The following STAT4 variants were observed in gnomAD, a reference collection of about 807,000 sequenced individuals.
STAT4 encodes signal transducer and activator of transcription 4.
STAT4 carries 42 observed loss-of-function variants against 110.5 expected under a neutral mutation model. The ratio of observed to expected loss-of-function variants is 0.38; its 90% CI spans 0.30 to 0.49. The LOEUF is 0.49. Ranked by LOEUF, STAT4 falls within the 20% of genes least tolerant of loss-of-function variation. STAT4 has a pLI of 0.95. For synonymous variants in STAT4, 284 were observed against 302.2 expected (o/e 0.94, Z 0.63); for missense variants, 632 against 887.9 (o/e 0.71, Z 3.66).
chr2:191,069,592 C>T, intron 6 of STAT4, 101 bp downstream of exon 6: 2 of 893,982 alleles, frequency 2.2e-6, no homozygotes, highest in Non-Finnish European at 3.6e-6. Context: ...CTAGGCTCAC[C>T]TAAGGAAGTA....
At chr2:191,095,874 C>T (rs115747703) in intron 3 of STAT4, among the ~76,000 whole-genome samples, 4,030 of 151,520 alleles carry the variant, frequency 0.027, 166 homozygotes, top group African/African-American at 0.088. Flanking sequence ...ATTGCTAGCA[C>T]GACAAATATA....
chr2:191,132,638 G>T (rs1026538053), intron 3 of STAT4, among the ~76,000 whole-genome samples: 1 of 151,776 alleles, frequency 6.6e-6, no homozygotes, highest in Admixed American at 6.6e-5. Flanking sequence ...GGAACGAGAA[G>T]TGGAAGCAAA....
chr2:191,125,508 G>T (rs1698858023), intron 3 of STAT4, among the ~76,000 whole-genome samples: 1 of 32,588 alleles, frequency 3.1e-5, no homozygotes. Context: ...TTATTATTGA[G>T]ACAGGGCCTT....
chr2:191,076,843 C>T (rs1697331047), intron 3 of STAT4, among the ~76,000 whole-genome samples: 1 of 151,916 alleles, frequency 6.6e-6, no homozygotes, highest in African/African-American at 2.4e-5. Flanking sequence ...CAGGGTTTTT[C>T]CATGTTGGTC....
At chr2:191,130,343 C>T (rs777225160) in intron 3 of STAT4, among the ~76,000 whole-genome samples, 1 of 151,780 alleles carries the variant, frequency 6.6e-6, no homozygotes, top group Non-Finnish European at 1.5e-5. Context: ...CTGCCTCAGC[C>T]TCCCAAGTAG....
chr2:191,094,037 G>T (rs1697886587), intron 3 of STAT4, among the ~76,000 whole-genome samples: 1 of 152,066 alleles, frequency 6.6e-6, no homozygotes, highest in Non-Finnish European at 1.5e-5. Flanking sequence ...GAAGTTTAGA[G>T]AAAAAAGAGT....
Position 191,039,092 on chromosome 2 carries a change from C to G in STAT4, c.1434+107G>C, listed in dbSNP as rs1696119134. On this transcript the variant is annotated intron_variant, in intron 16 of 23. Transcript: ENST00000392320. This position sits in a 1 kb window ranked among gnomAD's most constrained non-coding sequence, Gnocchi z 4.7. ...TAGAAATACTACAAATAAAGCAACT[C>G]TCACCCCACACCCCACTGGCACACA... is the stretch of plus-strand genomic sequence containing the variant. 3.2e-6 allele frequency: 3 copies of G among 948,348 alleles called. No individual in the cohort carries two copies. The highest frequency in any genetic ancestry group is 4.2e-4 in the Middle Eastern group (2 of 4,742). 58.7% of individuals were successfully genotyped at this position (948,348 alleles called of 1,614,324 possible). A position where few individuals can be genotyped will look rare whatever the true frequency, so the allele number is the denominator to read the frequency against.
rs561720812 is a variant in STAT4, at chr2:191,031,810, G to C, written c.2045-294C>G. On this transcript the variant is annotated intron_variant, in intron 21 of 23. Coordinates refer to ENST00000392320, the MANE Select transcript of STAT4 (RefSeq NM_003151.4). This position sits in a 1 kb window ranked among gnomAD's most constrained non-coding sequence, Gnocchi z 4.8. ...ATCAACTCTATTACCTGTTTTCTAC[G>C]TTTCATTTATGTTTGATTATAAGGA... Among the ~76,000 whole-genome samples, 7 of 152,096 alleles carry C rather than the reference G, an allele frequency of 4.6e-5. No homozygotes were observed. Among genetic ancestry groups the C allele is most frequent in the African/African-American group, 1.7e-4 (7 of 41,424 alleles).
At position 191,058,322 on chromosome 2, in the gene STAT4, G is replaced by C. The variant is rs1232320355; in HGVS notation, c.1095-103C>G. The stretch of plus-strand genomic sequence containing the variant: ...TTATTTATTTATTTATTTTGAGACA[G>C]AGTCTCGCTCTGTCGTCCAGGCTGG... On this transcript the variant is annotated intron_variant, in intron 11 of 23. Coordinates refer to ENST00000392320, the MANE Select transcript of STAT4 (RefSeq NM_003151.4). This position sits in a 1 kb window ranked among gnomAD's most constrained non-coding sequence, Gnocchi z 4.3. 36 of 1,247,996 alleles carry C rather than the reference G, an allele frequency of 2.9e-5. No individual in the cohort carries two copies. 77.3% of individuals were successfully genotyped at this position (1,247,996 alleles called of 1,614,324 possible). A position where few individuals can be genotyped will look rare whatever the true frequency, so the allele number is the denominator to read the frequency against.
In STAT4 at chr2:191,029,933, G is replaced by A; in HGVS notation, c.2221-67C>T. On this transcript the variant is annotated intron_variant, in intron 23 of 23. Coordinates refer to ENST00000392320, the MANE Select transcript of STAT4 (RefSeq NM_003151.4). The surrounding 1 kb of genome is among the most constrained non-coding windows in gnomAD (Gnocchi z 4.5). ...TTTTCAAATCAATCACTATTTCTTGGGCAAATAAACGTCCTCTTTTCTACG... is the reference window on the plus strand; with the variant it reads ...TTTTCAAATCAATCACTATTTCTTGAGCAAATAAACGTCCTCTTTTCTACG... 7.9e-6 allele frequency: 10 copies of A among 1,264,808 alleles called. No individual in the cohort carries two copies. The highest frequency in any genetic ancestry group is 2.4e-5 in the East Asian group (1 of 41,622). The allele number at this position is 1,264,808 out of a possible 1,614,324, so 78.3% of individuals were successfully genotyped here.
chr2:191,063,506 C>T (rs1307359374), intron 8 of STAT4, among the ~76,000 whole-genome samples: 1 of 152,048 alleles, frequency 6.6e-6, no homozygotes, highest in African/African-American at 2.4e-5. Context: ...GTGATCTCAC[C>T]TCAGAAACGG....
intron 3 of STAT4, among the ~76,000 whole-genome samples, chr2:191,096,846 A>G (rs1005124125): frequency 2.0e-5 from 3 of 152,146 alleles, no homozygotes; most frequent in Admixed American, 2.0e-4. Context: ...GTTTGCAGAT[A>G]ACATGATTGT....
chr2:191,112,292 A>G lies in STAT4; in HGVS notation c.273+34321T>C, dbSNP rs1283248349. On this transcript the variant is annotated intron_variant, in intron 3 of 23. Coordinates refer to ENST00000392320, the MANE Select transcript of STAT4 (RefSeq NM_003151.4). This position sits in a 1 kb window ranked among gnomAD's most constrained non-coding sequence, Gnocchi z 4.3. Reference sequence around the variant, plus strand: ...AACCAAATCATATCCAAATTGTCTCATTTCCTAGCTATGTGACCTTGGGCA... The same window carrying G: ...AACCAAATCATATCCAAATTGTCTCGTTTCCTAGCTATGTGACCTTGGGCA... Among the ~76,000 whole-genome samples the G allele has an allele frequency of 2.0e-5, 3 of 152,198 alleles. No individual in the cohort carries two copies. The highest frequency in any genetic ancestry group is 4.4e-5 in the Non-Finnish European group (3 of 68,032).
In STAT4 at chr2:191,046,519, G is replaced by A. The variant is rs997731506; in HGVS notation, c.1252-5371C>T. On this transcript the variant is annotated intron_variant, in intron 14 of 23. Transcript: ENST00000392320. The surrounding 1 kb of genome is among the most constrained non-coding windows in gnomAD (Gnocchi z 4.6). ...CCTGGAGAGGCCTACACAGACCCTG[G>A]AAGTGGGCTTGAGGTCTTCTGGGCT... 6.6e-6 allele frequency among the ~76,000 whole-genome samples: 1 copy of A among 152,172 alleles called. No homozygotes were observed. The highest frequency in any genetic ancestry group is 1.5e-5 in the Non-Finnish European group (1 of 68,020).
rs1363926829 is a variant in STAT4 at position 191,055,673 on chromosome 2, A to T, written c.1207-1139T>A. Reference sequence around the variant, plus strand: ...CAGCTGATTTTTATTTTCTATATTTATTTTTGTATTAAAAAGCAAAGTTAT... The same window carrying T: ...CAGCTGATTTTTATTTTCTATATTTTTTTTTGTATTAAAAAGCAAAGTTAT... On this transcript the variant is annotated intron_variant, in intron 13 of 23. Transcript: ENST00000392320. Among the ~76,000 whole-genome samples, 4 of 152,160 alleles carry T rather than the reference A, an allele frequency of 2.6e-5. No individual in the cohort carries two copies. The East Asian group carries it at 7.7e-4, about 29-fold the overall frequency.
Position 191,113,254 on chromosome 2 carries a change from C to T in STAT4, c.273+33359G>A, listed in dbSNP as rs1698477142. ...GTACTGAACAGCAATTATTGCCAGG[C>T]ACTGATCTCACTGCTGTGAGTAATC... is the stretch of plus-strand genomic sequence containing the variant. On this transcript the variant is annotated intron_variant, in intron 3 of 23. Transcript: ENST00000392320. This position sits in a 1 kb window ranked among gnomAD's most constrained non-coding sequence, Gnocchi z 4.8. 6.6e-6 allele frequency among the ~76,000 whole-genome samples: 1 copy of T among 152,226 alleles called. No homozygotes were observed. The highest frequency in any genetic ancestry group is 1.9e-4 in the East Asian group (1 of 5,206).
At position 191,060,523 on chromosome 2, in the gene STAT4, A is replaced by G. The variant is rs1696819966; in HGVS notation, c.1034+1206T>C. ...AACCTCTACCTACTGGGTTCAAGCGATTCTCCTGCCTCAGCCTCTTAAGTA... is the reference window on the plus strand; with the variant it reads ...AACCTCTACCTACTGGGTTCAAGCGGTTCTCCTGCCTCAGCCTCTTAAGTA... On this transcript the variant is annotated intron_variant, in intron 10 of 23. Transcript: ENST00000392320. This position sits in a 1 kb window ranked among gnomAD's most constrained non-coding sequence, Gnocchi z 4.5. 6.6e-6 allele frequency among the ~76,000 whole-genome samples: 1 copy of G among 152,178 alleles called. No homozygotes were observed.
intron 3 of STAT4, among the ~76,000 whole-genome samples, chr2:191,108,716 A>G (rs571522149): frequency 1.3e-5 from 2 of 152,378 alleles, no homozygotes; most frequent in South Asian, 2.1e-4. Context: ...AAACAAGTGC[A>G]TGCTCTGGGA....
chr2:191,137,834 C>T lies in STAT4; in HGVS notation c.273+8779G>A, dbSNP rs1178597859. On this transcript the variant is annotated intron_variant, in intron 3 of 23. Coordinates refer to ENST00000392320, the MANE Select transcript of STAT4 (RefSeq NM_003151.4). ...ACCGAAGAATAGAACTGGACCCTAT[C>T]TCTCACCATATATAAAAATCAACTC... 3.3e-5 allele frequency among the ~76,000 whole-genome samples: 5 copies of T among 152,120 alleles called. No individual in the cohort carries two copies. The East Asian group carries it at 7.7e-4, about 23-fold the overall frequency.
Sources: allele counts gnomAD v4.1 joint callset (sites outside exome capture counted in the v4.1 genomes callset), GRCh38; gene constraint gnomAD v4.1.1; non-coding constraint Gnocchi (gnomAD v3.1); transcripts MANE v1.5; gene names NCBI Gene and HGNC (gene_info 2026-07-23, HGNC 2026-07-21).